The following TMEM40 variants were observed in gnomAD, a reference collection of about 807,000 sequenced individuals.
The protein encoded by TMEM40 is transmembrane protein 40.
A neutral mutation model predicts 40.8 loss-of-function variants in TMEM40; 34 were observed. The observed-to-expected ratio is 0.83, with a 90% CI of 0.63 to 1.11. TMEM40 has a LOEUF of 1.11. Ranked by LOEUF, TMEM40 falls within the 50% of genes least tolerant of loss-of-function variation. TMEM40 has a pLI of 0.00. For synonymous variants in TMEM40, 106 were observed against 107.0 expected, an observed-to-expected ratio of 0.99 and a Z score of 0.06; for missense variants, 296 against 280.2, an observed-to-expected ratio of 1.06 and a Z score of -0.40.
intron 1 of TMEM40, among the ~76,000 whole-genome samples, chr3:12,755,101 CCTTTTTT>C (rs201937082): frequency 0.018 from 2,684 of 148,992 alleles, 35 homozygotes; most frequent in Middle Eastern, 0.028. Context: ...CTCCCTCCCT[CCTTTTTT>C]CTTTTTTCTT....
At chr3:12,749,710 C>T (rs760710782) in intron 2 of TMEM40, 50 bp downstream of exon 2, 13 of 1,567,378 alleles carry the variant, frequency 8.3e-6, no homozygotes, top group Admixed American at 7.1e-5. Context: ...TACTTTTGGA[C>T]TCCACCTCCC....
At chr3:12,763,085 G>A (rs547631250), upstream of TMEM40, among the ~76,000 whole-genome samples, 5 of 150,640 alleles carry the variant, frequency 3.3e-5, no homozygotes, top group South Asian at 8.4e-4. Flanking sequence ...GCGTGAATCC[G>A]GGAGGCGGAG....
intron 7 of TMEM40, 116 bp downstream of exon 7, chr3:12,738,020 G>A: frequency 7.7e-7 from 1 of 1,299,212 alleles, no homozygotes; most frequent in Middle Eastern, 1.9e-4. Flanking sequence ...AGTGACACTG[G>A]CTGGCGACAG....
intron 10 of TMEM40, 22 bp downstream of exon 10, chr3:12,736,556 C>T: frequency 6.4e-7 from 1 of 1,551,262 alleles, no homozygotes; most frequent in South Asian, 1.2e-5. Flanking sequence ...GTGTGTGTGT[C>T]CATGCTGGGG....
At chr3:12,747,084 G>A (rs555675131) in intron 3 of TMEM40, among the ~76,000 whole-genome samples, 17 of 151,878 alleles carry the variant, frequency 1.1e-4, no homozygotes, top group Admixed American at 3.9e-4. Context: ...ACAAACCCAC[G>A]GGACCCACCG....
At chr3:12,754,293 CAG>C (rs2061502132) in intron 1 of TMEM40, among the ~76,000 whole-genome samples, 1 of 150,820 alleles carries the variant, frequency 6.6e-6, no homozygotes, top group Non-Finnish European at 1.5e-5. Context: ...GCCTGGGCGA[CAG>C]AGCACGATTC....
upstream of TMEM40, among the ~76,000 whole-genome samples, chr3:12,764,073 T>G (rs751460512): frequency 6.6e-6 from 1 of 151,890 alleles, no homozygotes; most frequent in Non-Finnish European, 1.5e-5. Context: ...CCACCACACC[T>G]GGCTAATTTT....
At chr3:12,756,778 C>CCTCTCT (rs10644374) in intron 1 of TMEM40, among the ~76,000 whole-genome samples, 15,884 of 150,440 alleles carry the variant, frequency 0.11, 1,444 homozygotes, top group African/African-American at 0.25. Flanking sequence ...TACCCACCTC[C>CCTCTCT]CTCTCTCTCT....
intron 3 of TMEM40, among the ~76,000 whole-genome samples, chr3:12,745,605 T>C (rs775629106): frequency 4.6e-5 from 7 of 151,998 alleles, no homozygotes; most frequent in Non-Finnish European, 1.0e-4. Context: ...TGTGCCACCA[T>C]GCCCAGCTAA....
rs55763700 is a variant in TMEM40 at position 12,749,032 on chromosome 3, C to CTT, written c.74-242_74-241dup. Among the ~76,000 whole-genome samples, 2 of 149,380 alleles carry CTT rather than the reference C, an allele frequency of 1.3e-5. 1 individual carries two copies. The highest frequency in any genetic ancestry group is 4.2e-4 in the South Asian group (2 of 4,724). The stretch of plus-strand genomic sequence containing the variant: ...ATGGACTCAGAAAAGGGGTTTCTTT[C>CTT]TTTTTTTTTTGAGACGGAGTCTTGC... On this transcript the variant is annotated intron_variant, in intron 2 of 11. Coordinates refer to ENST00000314124, the MANE Select transcript of TMEM40 (RefSeq NM_018306.4).
At chr3:12,745,562 C>G (rs2061420767) in intron 3 of TMEM40, among the ~76,000 whole-genome samples, 1 of 152,168 alleles carries the variant, frequency 6.6e-6, no homozygotes, top group African/African-American at 2.4e-5. Context: ...GATCTTCACG[C>G]CCCAGCCTCC....
upstream of TMEM40, among the ~76,000 whole-genome samples, chr3:12,760,488 C>T (rs2061561761): frequency 1.3e-5 from 2 of 152,112 alleles, no homozygotes; most frequent in South Asian, 4.1e-4. Context: ...TGGCTGTTCC[C>T]TCTGCCTGGA....
Position 12,738,158 on chromosome 3 carries a change from C to T in TMEM40, c.402G>A (p.Arg134=). 1 of 1,613,976 alleles carries T rather than the reference C, an allele frequency of 6.2e-7. No individual in the cohort carries two copies. The highest frequency in any genetic ancestry group is 1.7e-5 in the Admixed American group (1 of 59,986). ...VVPSGESGLR[R]RGSDPASGEV... is the part of the protein sequence containing the mutation. ...TACCACTTGCTGGGTCAGAGCCTCT[C>T]CTTCGGAGTCCTGGAAACAAGAAAC... The change falls in exon 7 of 12, where the codon AGG becomes AGA. Residue 134 remains arginine, a synonymous_variant. Coordinates refer to ENST00000314124, the MANE Select transcript of TMEM40 (RefSeq NM_018306.4).
chr3:12,769,301 G>A (rs1430649940), exon 1 of TMEM40: 1 of 405,486 alleles, frequency 2.5e-6, no homozygotes, highest in Admixed American at 2.5e-5. Context: ...CCCAGGAAGG[G>A]ACTCCCACAG....
At chr3:12,753,163 T>A (rs1054841187) in intron 1 of TMEM40, among the ~76,000 whole-genome samples, 1 of 150,742 alleles carries the variant, frequency 6.6e-6, no homozygotes, top group Non-Finnish European at 1.5e-5. Context: ...TGTCTATTCC[T>A]CCTCCACACA....
upstream of TMEM40, among the ~76,000 whole-genome samples, chr3:12,763,524 C>T (rs548215517): frequency 5.3e-5 from 8 of 152,228 alleles, no homozygotes; most frequent in African/African-American, 1.4e-4. Context: ...GCTGACAGCC[C>T]GGGGGAGCCA....
At chr3:12,746,012 C>T (rs1204103129) in intron 3 of TMEM40, among the ~76,000 whole-genome samples, 1 of 152,026 alleles carries the variant, frequency 6.6e-6, no homozygotes, top group Non-Finnish European at 1.5e-5. Flanking sequence ...ATTCTCCTGC[C>T]TCAGCCTCCC....
In TMEM40 at chr3:12,745,633, G is replaced by A. The variant is rs527455494; in HGVS notation, c.212-1644C>T. ...CCAGCTAATTTTTTGTATTTTAGTA[G>A]AGATGGGATTTCCCCATGTTGCCCA... is the stretch of plus-strand genomic sequence containing the variant. On this transcript the variant is annotated intron_variant, in intron 3 of 11. Coordinates refer to ENST00000314124, the MANE Select transcript of TMEM40 (RefSeq NM_018306.4). Among the ~76,000 whole-genome samples, 13 of 152,178 alleles carry A rather than the reference G, an allele frequency of 8.5e-5. 1 individual carries two copies. Among genetic ancestry groups the A allele is most frequent in the African/African-American group, 3.1e-4 (13 of 41,538 alleles).
chr3:12,762,891 C>A (rs147858473), upstream of TMEM40, among the ~76,000 whole-genome samples: 433 of 152,192 alleles, frequency 2.8e-3, 1 homozygote, highest in African/African-American at 8.8e-3. Context: ...CAGCTGGGCG[C>A]GGTGGCTCGC....
Sources: gnomAD v4.1 joint callset for allele counts (sites outside exome capture counted in the v4.1 genomes callset) on GRCh38, gnomAD v4.1.1 for gene constraint, MANE v1.5 for transcripts, NCBI Gene and HGNC (gene_info 2026-07-23, HGNC 2026-07-21) for gene names.